Variants in DENND2C observed in about 807,000 individuals in gnomAD.
DENND2C encodes DENN domain-containing protein 2C.
DENND2C carries 72 observed loss-of-function variants against 112.4 expected under a neutral mutation model. That is an observed-to-expected ratio of 0.64 (90% confidence interval 0.53 to 0.78). DENND2C has a LOEUF of 0.78. Among genes scored for constraint, DENND2C ranks in the 30% least tolerant of loss-of-function variants. The pLI is 0.00. For synonymous variants in DENND2C, 329 were observed against 381.6 expected (o/e 0.86, Z 1.61); for missense variants, 992 against 1,113.8 (o/e 0.89, Z 1.56).
chr1:114,653,993 T>C (rs1255800402), intron 2 of DENND2C, among the ~76,000 whole-genome samples: 1 of 152,190 alleles, frequency 6.6e-6, no homozygotes, highest in Non-Finnish European at 1.5e-5. Flanking sequence ...TATAAAAGGT[T>C]GTGTAATATA....
rs114832136 is a variant in DENND2C, at chr1:114,587,852, C to T, written c.2532G>A (p.Glu844=). 1.8e-4 allele frequency: 287 copies of T among 1,614,126 alleles called. No individual in the cohort carries two copies. In the African/African-American group the frequency reaches 3.5e-3, roughly 20 times the overall value. The change falls in exon 19 of 21, where the codon GAG becomes GAA. Residue 844 remains glutamate, a synonymous_variant. Coordinates refer to ENST00000393274, the MANE Select transcript of DENND2C (RefSeq NM_001256404.2). ...SLNMTVTERG[E]RVFQREPFRK... ...GGAATGGTTCCCTTTGGAAAACACG[C>T]TCCCCACGCTCAGTGACAGTCATGT...
At chr1:114,606,272 G>A (rs1399853877) in intron 10 of DENND2C, among the ~76,000 whole-genome samples, 1 of 152,136 alleles carries the variant, frequency 6.6e-6, no homozygotes, top group Non-Finnish European at 1.5e-5. Flanking sequence ...TAACAGTGCT[G>A]TGACATTGTA....
intron 3 of DENND2C, among the ~76,000 whole-genome samples, chr1:114,642,200 C>T (rs939949638): frequency 6.6e-6 from 1 of 152,180 alleles, no homozygotes; most frequent in Non-Finnish European, 1.5e-5. Context: ...ATCCGTCCGC[C>T]TCGGCCTCCC....
At chr1:114,616,044 C>T (rs1206974476) in intron 8 of DENND2C, among the ~76,000 whole-genome samples, 1 of 152,070 alleles carries the variant, frequency 6.6e-6, no homozygotes, top group Non-Finnish European at 1.5e-5. Context: ...TACTGGACTC[C>T]AGCCTGGGTG....
intron 20 of DENND2C, 81 bp downstream of exon 20, chr1:114,587,306 C>T (rs1570749498): frequency 2.0e-6 from 3 of 1,510,318 alleles, no homozygotes; most frequent in South Asian, 2.3e-5. Context: ...CTTGACCTCG[C>T]AAAGTGCTGG....
chr1:114,632,967 T>C (rs1656536439), intron 3 of DENND2C, among the ~76,000 whole-genome samples: 1 of 152,192 alleles, frequency 6.6e-6, no homozygotes, highest in African/African-American at 2.4e-5. Flanking sequence ...AAAATGGTAC[T>C]TGTGGATAAA....
intron 6 of DENND2C, among the ~76,000 whole-genome samples, chr1:114,622,731 A>C (rs976069596): frequency 6.6e-6 from 1 of 151,858 alleles, no homozygotes; most frequent in African/African-American, 2.4e-5. Context: ...TGGGAACTAT[A>C]GTAAACTGAA....
At chr1:114,629,398 C>T (rs1302598099) in intron 3 of DENND2C, among the ~76,000 whole-genome samples, 3 of 152,206 alleles carry the variant, frequency 2.0e-5, no homozygotes, top group Non-Finnish European at 2.9e-5. Context: ...CCGCCTCAGC[C>T]TCCTGAGTAG....
At chr1:114,660,051 A>T (rs1444781784) in intron 1 of DENND2C, among the ~76,000 whole-genome samples, 1 of 152,112 alleles carries the variant, frequency 6.6e-6, no homozygotes, top group Admixed American at 6.6e-5. Context: ...TCAGCCTTCC[A>T]AGTGCTGGGA....
intron 3 of DENND2C, among the ~76,000 whole-genome samples, chr1:114,639,038 A>G (rs1044630018): frequency 2.0e-5 from 3 of 152,198 alleles, no homozygotes; most frequent in African/African-American, 4.8e-5. Flanking sequence ...ACACTTTACA[A>G]AAGATTTATG....
intron 3 of DENND2C, among the ~76,000 whole-genome samples, chr1:114,637,396 A>G (rs1485157582): frequency 6.6e-6 from 1 of 151,986 alleles, no homozygotes; most frequent in African/African-American, 2.4e-5. Context: ...AAAGAAAAGA[A>G]AAGAAAAAGA....
In DENND2C at chr1:114,601,538, A is replaced by G; in HGVS notation, c.1785T>C (p.Ser595=). The change falls in exon 13 of 21, where the codon AGT becomes AGC. Residue 595 remains serine (S), a synonymous_variant. Transcript: ENST00000393274. ...KRLPEVYCMV[S]RLGCFNLFSK... is the part of the protein sequence containing the mutation. ...AAAAAAGATTGAAGCAGCCTAGGCG[A>G]CTAACCATGCAGTATACCTCAGGGA... The G allele has an allele frequency of 6.2e-7, 1 of 1,613,588 alleles. No individual in the cohort carries two copies. The highest frequency in any genetic ancestry group is 8.5e-7 in the Non-Finnish European group (1 of 1,179,684).
At chr1:114,633,587 C>A (rs1656560948) in intron 3 of DENND2C, among the ~76,000 whole-genome samples, 1 of 149,982 alleles carries the variant, frequency 6.7e-6, no homozygotes. Context: ...GTGTTATAAA[C>A]CCTAATGAAA....
chr1:114,602,755 G>C (rs1655547227), intron 11 of DENND2C, among the ~76,000 whole-genome samples: 1 of 151,958 alleles, frequency 6.6e-6, no homozygotes, highest in African/African-American at 2.4e-5. Flanking sequence ...GTAGAGATAA[G>C]GTCTCACTAT....
chr1:114,654,679 T>C lies in DENND2C; in HGVS notation c.-491A>G, dbSNP rs1320508592. ...TTCATAGCACCTCTTTGGGGTACTATATAAGATTAAGTTTTGGTACATACA... is the reference window on the plus strand; with the variant it reads ...TTCATAGCACCTCTTTGGGGTACTACATAAGATTAAGTTTTGGTACATACA... On this transcript the variant is annotated 5_prime_UTR_variant, in exon 2 of 21. In the 5' UTR this introduces an upstream ATG that the reference lacks. Transcript: ENST00000393274. The C allele has an allele frequency of 2.0e-5, 3 of 150,992 alleles. No individual in the cohort carries two copies. Among genetic ancestry groups the C allele is most frequent in the Non-Finnish European group, 4.4e-5 (3 of 67,970 alleles). 9.4% of individuals were successfully genotyped at this position (150,992 alleles called of 1,614,324 possible).
chr1:114,600,462 T>C lies in DENND2C; in HGVS notation c.1957-110A>G, dbSNP rs563635914. 2.2e-3 allele frequency: 3,107 copies of C among 1,413,400 alleles called. 7 individuals are homozygous for C. Among genetic ancestry groups the C allele is most frequent in the Non-Finnish European group, 2.6e-3 (2,736 of 1,034,134 alleles). 87.6% of individuals were successfully genotyped at this position (1,413,400 alleles called of 1,614,324 possible). ...TAAGTTAAATTCAAGAAAGGTCTGC[T>C]ACACGGGGTCTGTGAAGCTTCCTAT... is the stretch of plus-strand genomic sequence containing the variant. On this transcript the variant is annotated intron_variant, in intron 14 of 20. Coordinates refer to ENST00000393274, the MANE Select transcript of DENND2C (RefSeq NM_001256404.2).
intron 8 of DENND2C, among the ~76,000 whole-genome samples, chr1:114,611,629 C>T (rs996538464): frequency 2.6e-5 from 4 of 152,138 alleles, no homozygotes; most frequent in African/African-American, 9.7e-5. Context: ...TACTTCTAGT[C>T]CATATGGATC....
At chr1:114,602,317 C>T in intron 11 of DENND2C, 123 bp from the exon 12 acceptor site, 1 of 891,376 alleles carries the variant, frequency 1.1e-6, no homozygotes, top group East Asian at 2.7e-5. Flanking sequence ...AGGATCCAAA[C>T]AACCACTTAC....
Position 114,599,445 on chromosome 1 carries a change from C to T in DENND2C, c.2112G>A (p.Leu704=). Residue 704 remains leucine, a synonymous_variant, in exon 16 of 21, where the codon CTG becomes CTA. Coordinates refer to ENST00000393274, the MANE Select transcript of DENND2C (RefSeq NM_001256404.2). ...VIFVANSLST[L]SKCGHAVVAT... ...CTACCACAGCATGGCCACATTTTGA[C>T]AGGGTGCTAGCCAGAGGAGAAAACA... 6.2e-7 allele frequency: 1 copy of T among 1,613,246 alleles called. No homozygotes were observed. The highest frequency in any genetic ancestry group is 8.5e-7 in the Non-Finnish European group (1 of 1,179,582).
Sources: gnomAD v4.1 joint callset for allele counts (sites outside exome capture counted in the v4.1 genomes callset) on GRCh38, gnomAD v4.1.1 for gene constraint, MANE v1.5 for transcripts, NCBI Gene and HGNC (gene_info 2026-07-23, HGNC 2026-07-21) for gene names.